Variants in TSPOAP1 observed in about 807,000 individuals in gnomAD.
TSPOAP1 encodes the protein peripheral-type benzodiazepine receptor-associated protein 1.
A neutral mutation model predicts 197.0 loss-of-function variants in TSPOAP1; 87 were observed. The observed-to-expected ratio is 0.44, with a 90% CI of 0.37 to 0.53. TSPOAP1 has a LOEUF of 0.53. TSPOAP1 is among the 20% of genes least tolerant of loss of function. The pLI, the probability that TSPOAP1 is intolerant of heterozygous loss-of-function variation, is 0.00. For synonymous variants in TSPOAP1, 913 were observed against 998.9 expected (o/e 0.91, Z 1.62); for missense variants, 2,174 against 2,411.3 (o/e 0.90, Z 2.06).
At chr17:58,319,032 T>A (rs1194601284) in intron 13 of TSPOAP1, 58 bp downstream of exon 13, 1 of 1,437,110 alleles carries the variant, frequency 7.0e-7, no homozygotes, top group African/African-American at 1.4e-5. Context: ...AACTCCCTGC[T>A]CTATCCAAAA....
intron 26 of TSPOAP1, among the ~76,000 whole-genome samples, 181 bp from the exon 27 acceptor site, chr17:58,306,046 G>A (rs893616788): frequency 6.6e-6 from 1 of 152,202 alleles, no homozygotes; most frequent in Admixed American, 6.5e-5. Flanking sequence ...TAAATGGCAC[G>A]CTCTGGGATT....
intron 16 of TSPOAP1, among the ~76,000 whole-genome samples, chr17:58,313,536 G>A (rs1056514741): frequency 6.6e-5 from 10 of 151,862 alleles, no homozygotes; most frequent in African/African-American, 1.7e-4. Context: ...GCTTGAGCCC[G>A]GGAGGCAGAA....
chr17:58,316,537 C>T lies in TSPOAP1; in HGVS notation c.1876G>A (p.Asp626Asn), dbSNP rs746463539. ...AGCTCCTCTACCTCACTGGCTGTGT[C>T]CACCTGGGGGCAAACAGAAAGGGCT... ...SPKSCPTPEV[D>N]TASEVEELEA... Residue 626 changes from aspartate to asparagine, a missense_variant, in exon 15 of 32, where the codon GAC becomes AAC. This residue lies in a region of TSPOAP1 where 1,933 missense variants were observed against 2,139.0 expected (regional missense o/e 0.90). Coordinates refer to ENST00000343736, the MANE Select transcript of TSPOAP1 (RefSeq NM_004758.4). 6 of 1,605,816 alleles carry T rather than the reference C, an allele frequency of 3.7e-6. No individual in the cohort carries two copies. The Admixed American group carries it at 1.0e-4, about 27-fold the overall frequency.
In TSPOAP1 at chr17:58,320,539, G is replaced by T; in HGVS notation, c.1465C>A (p.Leu489Met). 6.6e-7 allele frequency: 1 copy of T among 1,510,810 alleles called. No individual in the cohort carries two copies. Among genetic ancestry groups the T allele is most frequent in the Non-Finnish European group, 8.8e-7 (1 of 1,131,424 alleles). The allele number at this position is 1,510,810 out of a possible 1,614,324, so 93.6% of individuals were successfully genotyped here. ...ACTTCCAGGCGCCCTACCTCCAGCA[G>T]CTGCACGGCTCCTTCATGTTCCCTC... ...AQREHEGAVQLLESTLDSMQA... is the reference protein window; with the variant it reads ...AQREHEGAVQMLESTLDSMQA... Residue 489 changes from leucine to methionine, a missense_variant, in exon 11 of 32, where the codon CTG becomes ATG. Physicochemically the swap from Leu to Met is conservative, Grantham distance 15 (BLOSUM62 2). This residue lies in a region of TSPOAP1 where 1,933 missense variants were observed against 2,139.0 expected (regional missense o/e 0.90). Transcript: ENST00000343736.
Position 58,310,024 on chromosome 17 carries a change from C to A in TSPOAP1, c.3834G>T (p.Arg1278Ser). The A allele has an allele frequency of 6.2e-7, 1 of 1,613,754 alleles. No homozygotes were observed. Among genetic ancestry groups the A allele is most frequent in the Non-Finnish European group, 8.5e-7 (1 of 1,180,000 alleles). The part of the protein sequence containing the change: ...EEEEEEELGS[R>S]TCSFQKQVAG... The stretch of plus-strand genomic sequence containing the variant: ...CAACCTGCTTCTGGAAGGAGCAAGT[C>A]CTGGAACCCAGCTCCTCTTCCTCCT... Residue 1278 changes from arginine (R) to serine (S), a missense_variant, in exon 21 of 32, where the codon AGG becomes AGT. Arg to Ser is a moderately radical substitution (Grantham distance 110). Around this residue, in one of 5 missense-constraint regions of TSPOAP1, gnomAD observed 1,933 missense variants for 2,139.0 expected, o/e 0.90. Coordinates refer to ENST00000343736, the MANE Select transcript of TSPOAP1 (RefSeq NM_004758.4).
Position 58,316,410 on chromosome 17 carries a change from G to T in TSPOAP1, c.1988+15C>A. On this transcript the variant is annotated intron_variant, in intron 15 of 31. Transcript: ENST00000343736. ...CTGGGGCTGGGCTAGGGGGCAGTGAGGGTGAGGGACCCACCTATAACGTGC... is the reference window on the plus strand; with the variant it reads ...CTGGGGCTGGGCTAGGGGGCAGTGATGGTGAGGGACCCACCTATAACGTGC... 1 of 1,599,674 alleles carries T rather than the reference G, an allele frequency of 6.3e-7. No individual in the cohort carries two copies. The highest frequency in any genetic ancestry group is 1.1e-5 in the South Asian group (1 of 89,674).
At chr17:58,316,663 C>T (rs1971246173) in intron 14 of TSPOAP1, 123 bp from the exon 15 acceptor site, 1 of 690,232 alleles carries the variant, frequency 1.4e-6, no homozygotes, top group Non-Finnish European at 2.4e-6. Flanking sequence ...CACATACATG[C>T]TGCACAGGAG....
intron 31 of TSPOAP1, chr17:58,303,239 C>G (rs1434102306): frequency 6.6e-6 from 1 of 152,506 alleles, no homozygotes; most frequent in Non-Finnish European, 1.5e-5. Context: ...CACCTATGTT[C>G]CCACCTTCAC....
intron 18 of TSPOAP1, 155 bp downstream of exon 18, chr17:58,311,416 T>G (rs1009321143): frequency 1.6e-6 from 2 of 1,270,258 alleles, no homozygotes; most frequent in Non-Finnish European, 2.1e-6. Context: ...AAATCTGTCA[T>G]GTGCTGCCAA....
rs192795538 is a variant in TSPOAP1, at chr17:58,326,465, C to A, written c.442-44G>T. 183 of 1,607,356 alleles carry A rather than the reference C, an allele frequency of 1.1e-4. No individual in the cohort carries two copies. The Admixed American group carries it at 3.0e-3, about 27-fold the overall frequency. On this transcript the variant is annotated intron_variant, in intron 2 of 31. Transcript: ENST00000343736. This position sits in a 1 kb window ranked among gnomAD's most constrained non-coding sequence, Gnocchi z 4.7. ...GAATTGGGGCATGTAGGGAGCACCCCACAGACCCAGTCCTAACAGCCCAAG... is the reference window on the plus strand; with the variant it reads ...GAATTGGGGCATGTAGGGAGCACCCAACAGACCCAGTCCTAACAGCCCAAG...
In TSPOAP1 at chr17:58,311,968, G is replaced by A. The variant is rs763872333; in HGVS notation, c.2853C>T (p.Pro951=). The A allele has an allele frequency of 1.9e-5, 30 of 1,607,356 alleles. No homozygotes were observed. Among genetic ancestry groups the A allele is most frequent in the Admixed American group, 8.4e-5 (5 of 59,722 alleles). ...CCCAGCCTGGTTCCCAGGGCCCTTG[G>A]GGTGGGAGCTGAGCCTCCACTTGGG... is the stretch of plus-strand genomic sequence containing the variant. ...YQAQVEAQLP[P]QGPWEPGWER... The change falls in exon 17 of 32, where the codon CCC becomes CCT. Residue 951 remains proline, a synonymous_variant. Transcript: ENST00000343736.
At position 58,325,426 on chromosome 17, in the gene TSPOAP1, C is replaced by A. The variant is rs1049441931; in HGVS notation, c.750+108G>T. The A allele has an allele frequency of 3.0e-5, 43 of 1,440,054 alleles. 1 individual carries two copies. The Admixed American group carries it at 8.5e-4, about 29-fold the overall frequency. 89.2% of individuals were successfully genotyped at this position (1,440,054 alleles called of 1,614,324 possible). On this transcript the variant is annotated intron_variant, in intron 4 of 31. Coordinates refer to ENST00000343736, the MANE Select transcript of TSPOAP1 (RefSeq NM_004758.4). ...AGGGGAACCTACTCCCAGCAACCTC[C>A]ACCCTCCCTTTCATTTGCGTCTCAT... is the stretch of plus-strand genomic sequence containing the variant.
In TSPOAP1 at chr17:58,312,454, A is replaced by G; in HGVS notation, c.2367T>C (p.Pro789=). Residue 789 remains proline, a synonymous_variant, in exon 17 of 32, where the codon CCT becomes CCC. Coordinates refer to ENST00000343736, the MANE Select transcript of TSPOAP1 (RefSeq NM_004758.4). ...SPSPEGLGEP[P]AVPYPRRLVV... The stretch of plus-strand genomic sequence containing the variant: ...CCAGACGGCGGGGGTAAGGCACGGC[A>G]GGAGGCTCGCCCAGGCCCTCCGGTG... The G allele has an allele frequency of 6.2e-7, 1 of 1,612,512 alleles. No individual in the cohort carries two copies. The highest frequency in any genetic ancestry group is 8.5e-7 in the Non-Finnish European group (1 of 1,179,524).
In TSPOAP1 at chr17:58,310,640, C is replaced by T; in HGVS notation, c.3571G>A (p.Ala1191Thr). Residue 1191 changes from alanine to threonine, a missense_variant, in exon 20 of 32, where the codon GCC (alanine) becomes ACC (threonine). Around this residue, in one of 5 missense-constraint regions of TSPOAP1, gnomAD observed 1,933 missense variants for 2,139.0 expected, o/e 0.90. Coordinates refer to ENST00000343736, the MANE Select transcript of TSPOAP1 (RefSeq NM_004758.4). ...PAAPSLAKQE[A>T]EWTAGEACPA... The stretch of plus-strand genomic sequence containing the variant: ...CAGGCCTCTCCTGCAGTCCACTCGG[C>T]CTCCTGCTTGGCCAGTGAGGGAGCT... 6.2e-7 allele frequency: 1 copy of T among 1,613,070 alleles called. No homozygotes were observed. Among genetic ancestry groups the T allele is most frequent in the Non-Finnish European group, 8.5e-7 (1 of 1,180,000 alleles).
rs1971066333 is a variant in TSPOAP1, at chr17:58,311,108, G to A, written c.3187C>T (p.His1063Tyr). Residue 1063 changes from histidine (H) to tyrosine (Y), a missense_variant, in exon 19 of 32, where the codon CAC becomes TAC. His to Tyr is a moderately conservative substitution (Grantham distance 83). This residue lies in a region of TSPOAP1 where 1,933 missense variants were observed against 2,139.0 expected (regional missense o/e 0.90). Coordinates refer to ENST00000343736, the MANE Select transcript of TSPOAP1 (RefSeq NM_004758.4). The stretch of plus-strand genomic sequence containing the variant: ...GGGATGGAGTCCGCCGACTCCCCGT[G>A]GGGCGACATGGTGCGCACGACCACC... ...REVVVRTMSP[H>Y]GESADSIPAP... 1.9e-6 allele frequency: 3 copies of A among 1,597,108 alleles called. No homozygotes were observed. Among genetic ancestry groups the A allele is most frequent in the East Asian group, 4.6e-5 (2 of 43,922 alleles).
At chr17:58,302,888 C>G (rs548837889) in intron 31 of TSPOAP1, 1 of 153,660 alleles carries the variant, frequency 6.5e-6, no homozygotes, top group South Asian at 2.0e-4. Context: ...GTAGCTTCTA[C>G]AGCCCCTCAT....
Position 58,311,926 on chromosome 17 carries a change from C to A in TSPOAP1, c.2895G>T (p.Arg965=). The change falls in exon 17 of 32, where the codon CGG becomes CGT. Residue 965 remains arginine (R), a synonymous_variant. Coordinates refer to ENST00000343736, the MANE Select transcript of TSPOAP1 (RefSeq NM_004758.4). ...WEPGWERLEQ[R]AATLQFTTLP... ...GTGTGGTGAACTGCAGGGTGGCAGC[C>A]CGCTGCTCCAGCCTCTCCCAGCCTG... The A allele has an allele frequency of 6.4e-7, 1 of 1,569,708 alleles. No homozygotes were observed. Among genetic ancestry groups the A allele is most frequent in the Non-Finnish European group, 8.6e-7 (1 of 1,157,470 alleles).
chr17:58,323,513 G>C lies in TSPOAP1; in HGVS notation c.975C>G (p.Pro325=), dbSNP rs769467219. The change falls in exon 6 of 32, where the codon CCC becomes CCG. Residue 325 remains proline, a synonymous_variant. Transcript: ENST00000343736. ...CTTTCTCTGGCTCCCCTAGAATCACGGGTAGGTTGTCCGCATCCTCCTGGG... is the reference window on the plus strand; with the variant it reads ...CTTTCTCTGGCTCCCCTAGAATCACCGGTAGGTTGTCCGCATCCTCCTGGG... ...ATPQEDADNL[P]VILGEPEKEQ... 2.5e-6 allele frequency: 4 copies of C among 1,614,158 alleles called. No individual in the cohort carries two copies. Among genetic ancestry groups the C allele is most frequent in the Non-Finnish European group, 3.4e-6 (4 of 1,180,010 alleles).
At position 58,326,337 on chromosome 17, in the gene TSPOAP1, G is replaced by C. The variant is rs1183326428; in HGVS notation, c.526C>G (p.Leu176Val). ...TGCAGCTTTCGGGCCCTCTCCTCCA[G>C]GCGCTTGGCAATGACCGCCAGCTCG... The part of the protein sequence containing the change: ...NAELAVIAKR[L>V]EERARKLQET... The change falls in exon 3 of 32, where the codon CTG becomes GTG. Residue 176 changes from leucine to valine, a missense_variant. This residue lies in a region of TSPOAP1 where 1,933 missense variants were observed against 2,139.0 expected (regional missense o/e 0.90). Transcript: ENST00000343736. This position sits in a 1 kb window ranked among gnomAD's most constrained non-coding sequence, Gnocchi z 4.7. 3.1e-6 allele frequency: 5 copies of C among 1,614,072 alleles called. No individual in the cohort carries two copies. In the Middle Eastern group the frequency reaches 5.0e-4, roughly 160 times the overall value.
Sources: gnomAD v4.1 joint callset for allele counts (sites outside exome capture counted in the v4.1 genomes callset) on GRCh38, gnomAD v4.1.1 for gene constraint, gnomAD v4.1.1 regional missense constraint, Gnocchi (gnomAD v3.1) non-coding constraint, MANE v1.5 for transcripts, NCBI Gene and HGNC (gene_info 2026-07-23, HGNC 2026-07-21) for gene names.